Variants in DGKK observed in about 807,000 individuals in gnomAD.
The protein encoded by DGKK is 142 kDa diacylglycerol kinase.
DGKK carries 35 observed loss-of-function variants against 92.2 expected under a neutral mutation model. The ratio of observed to expected loss-of-function variants is 0.38; its 90% CI spans 0.29 to 0.50. DGKK has a LOEUF of 0.50. DGKK is among the 20% of genes least tolerant of loss of function. The pLI is 0.92. For missense variants in DGKK, 910 were observed against 992.2 expected (o/e 0.92, Z 1.11); for synonymous variants, 368 against 360.6 (o/e 1.02, Z -0.23).
At chrX:50,447,940 C>T (rs1667436970) in intron 1 of DGKK, among the ~76,000 whole-genome samples, 1 of 110,927 alleles carries the variant, frequency 9.0e-6, no homozygotes, top group South Asian at 3.8e-4. Flanking sequence ...ACTACCCCCA[C>T]CCCAGTCAAC....
chrX:50,450,482 G>A (rs782035651), intron 1 of DGKK, among the ~76,000 whole-genome samples: 4 of 111,992 alleles, frequency 3.6e-5, no homozygotes, highest in Non-Finnish European at 7.5e-5. Context: ...ACTTGATCCT[G>A]TTGCAGGATG....
At chrX:50,392,276 G>T in intron 10 of DGKK, 65 bp downstream of exon 10, 3 of 864,287 alleles carry the variant, frequency 3.5e-6, no homozygotes, top group East Asian at 3.2e-5. Context: ...GGACTTCTTG[G>T]GATGGGCAGC....
At chrX:50,462,390 CTTTTT>C (rs782504562) in intron 1 of DGKK, among the ~76,000 whole-genome samples, 3 of 60,493 alleles carry the variant, frequency 5.0e-5, no homozygotes, top group Admixed American at 1.9e-4. Flanking sequence ...GAAGTGAGTG[CTTTTT>C]TTTTTTTTTT....
chrX:50,421,653 G>A (rs1925591153), intron 3 of DGKK, among the ~76,000 whole-genome samples: 1 of 111,960 alleles, frequency 8.9e-6, no homozygotes, highest in Non-Finnish European at 1.9e-5. Flanking sequence ...CCTGTGTCAG[G>A]GTGATGTAAT....
At chrX:50,376,396 A>G (rs1347502629) in intron 23 of DGKK, among the ~76,000 whole-genome samples, 2 of 111,432 alleles carry the variant, frequency 1.8e-5, no homozygotes, top group African/African-American at 6.5e-5. Flanking sequence ...ACCTGAATTT[A>G]GATATTGGGA....
intron 4 of DGKK, among the ~76,000 whole-genome samples, chrX:50,410,898 G>T (rs1925286949): frequency 9.0e-6 from 1 of 111,449 alleles, no homozygotes; most frequent in Non-Finnish European, 1.9e-5. Flanking sequence ...GGTAGTACCA[G>T]CAGGGCTAGG....
At chrX:50,447,941 C>T (rs782754235) in intron 1 of DGKK, among the ~76,000 whole-genome samples, 2 of 110,888 alleles carry the variant, frequency 1.8e-5, no homozygotes, top group Non-Finnish European at 3.8e-5. Flanking sequence ...CTACCCCCAC[C>T]CCAGTCAACC....
chrX:50,384,995 C>A (rs890017141), intron 15 of DGKK, among the ~76,000 whole-genome samples, 171 bp from the exon 16 acceptor site: 2 of 111,979 alleles, frequency 1.8e-5, no homozygotes, highest in Non-Finnish European at 3.8e-5. Flanking sequence ...CCCATTCGAC[C>A]ATCACGTCTC....
chrX:50,457,415 T>C (rs1557232966), intron 1 of DGKK, among the ~76,000 whole-genome samples: 2 of 111,601 alleles, frequency 1.8e-5, no homozygotes, highest in Admixed American at 1.9e-4. Context: ...GTACCGCTAA[T>C]TAATAATGTA....
At chrX:50,400,105 A>G (rs1924961053) in intron 8 of DGKK, among the ~76,000 whole-genome samples, 1 of 112,182 alleles carries the variant, frequency 8.9e-6, no homozygotes, top group Non-Finnish European at 1.9e-5. Flanking sequence ...CAGATGGGGA[A>G]AGCAAAGCTC....
intron 1 of DGKK, among the ~76,000 whole-genome samples, chrX:50,443,704 T>TCG (rs782008638): frequency 4.0e-5 from 4 of 99,588 alleles, no homozygotes; most frequent in Non-Finnish European, 6.1e-5. Context: ...TGCACTCATT[T>TCG]TGTGTGTGTG....
At chrX:50,379,375 G>C (rs147115578) in intron 20 of DGKK, among the ~76,000 whole-genome samples, 1 of 107,420 alleles carries the variant, frequency 9.3e-6, no homozygotes, top group Non-Finnish European at 1.9e-5. Flanking sequence ...TGTCAGACCC[G>C]AGGAATGGAA....
At chrX:50,370,585 T>A in intron 26 of DGKK, 36 bp from the exon 27 acceptor site, 1 of 1,171,568 alleles carries the variant, frequency 8.5e-7, no homozygotes, top group Non-Finnish European at 1.1e-6. Context: ...AAATGTTAGT[T>A]GCCTAATATT....
chrX:50,380,325 C>T (rs1924384442), intron 18 of DGKK, among the ~76,000 whole-genome samples: 1 of 110,787 alleles, frequency 9.0e-6, no homozygotes. Flanking sequence ...CTGCTTGCTA[C>T]CAATATTGGT....
rs1924320203 is a variant in DGKK at position 50,378,195 on chromosome X, C to A, written c.3014G>T (p.Gly1005Val). ...EVMITIDGEE[G>V]IPVQVDGEAW... ...CTCCCCATCCACCTGCACTGGGATACCTTCTTCACCATCAATGGTTATCAT... is the reference window on the plus strand; with the variant it reads ...CTCCCCATCCACCTGCACTGGGATAACTTCTTCACCATCAATGGTTATCAT... The change falls in exon 22 of 28, where the codon GGT becomes GTT. Residue 1005 changes from glycine to valine, a missense_variant. Transcript: ENST00000611977. The A allele has an allele frequency of 8.3e-7, 1 of 1,208,607 alleles. No individual in the cohort carries two copies. Among genetic ancestry groups the A allele is most frequent in the Non-Finnish European group, 1.1e-6 (1 of 894,742 alleles).
intron 18 of DGKK, among the ~76,000 whole-genome samples, chrX:50,380,336 C>T (rs782256105): frequency 1.8e-5 from 2 of 110,707 alleles, no homozygotes; most frequent in Non-Finnish European, 3.8e-5. Flanking sequence ...CAATATTGGT[C>T]CAGACTTGGA....
rs187676370 is a variant in DGKK at position 50,379,306 on chromosome X, A to G, written c.2862+321T>C. Among the ~76,000 whole-genome samples, 497 of 88,146 alleles carry G rather than the reference A, an allele frequency of 5.6e-3. 2 individuals carry two copies. The highest frequency in any genetic ancestry group is 9.4e-3 in the Non-Finnish European group (434 of 46,386). 76.5% of individuals were successfully genotyped at this position (88,146 alleles called of 115,157 possible). ...ACTCCAGCCTGGATGACAGAGCAAG[A>G]CTCCGTTTCAAAAAAAAAAAAAAAA... On this transcript the variant is annotated intron_variant, in intron 20 of 27. Coordinates refer to ENST00000611977, the MANE Select transcript of DGKK (RefSeq NM_001013742.4).
At chrX:50,413,877 A>C (rs1189983928) in intron 4 of DGKK, among the ~76,000 whole-genome samples, 2 of 112,133 alleles carry the variant, frequency 1.8e-5, no homozygotes, top group Non-Finnish European at 3.8e-5. Context: ...AAAGAAACTG[A>C]AATCATTCTG....
intron 27 of DGKK, among the ~76,000 whole-genome samples, chrX:50,369,588 G>A (rs782562727): frequency 5.8e-5 from 6 of 104,020 alleles, no homozygotes; most frequent in Non-Finnish European, 1.2e-4. Context: ...TCAAGATGAG[G>A]TCTCACTCTA....
Sources: gnomAD v4.1 joint callset for allele counts (sites outside exome capture counted in the v4.1 genomes callset) on GRCh38, gnomAD v4.1.1 for gene constraint, MANE v1.5 for transcripts, NCBI Gene and HGNC (gene_info 2026-07-23, HGNC 2026-07-21) for gene names.